Variants in TCTN1 observed in about 807,000 individuals in gnomAD.
TCTN1 encodes tectonic-1.
Under a neutral mutation model 65.8 loss-of-function variants are expected in TCTN1, and 58 were observed. The ratio of observed to expected loss-of-function variants is 0.88; its 90% CI spans 0.71 to 1.10. TCTN1 has a LOEUF of 1.10. Ranked by LOEUF, TCTN1 falls within the 50% of genes least tolerant of loss-of-function variation. The probability of loss-of-function intolerance (pLI) is 0.00; values close to 1 mark genes in which losing one functional copy is unlikely to be tolerated. For missense variants in TCTN1, 645 were observed against 719.4 expected, an observed-to-expected ratio of 0.90 and a Z score of 1.18; for synonymous variants, 273 against 289.1, an observed-to-expected ratio of 0.94 and a Z score of 0.57.
chr12:110,644,773 G>A lies in TCTN1; in HGVS notation c.1332-194G>A. 3 of 677,776 alleles carry A rather than the reference G, an allele frequency of 4.4e-6. No homozygotes were observed. The highest frequency in any genetic ancestry group is 7.7e-6 in the Non-Finnish European group (3 of 389,460). The allele number at this position is 677,776 out of a possible 1,614,324, so 42.0% of individuals were successfully genotyped here. On this transcript the variant is annotated intron_variant, in intron 11 of 14. Transcript: ENST00000397659. This position sits in a 1 kb window ranked among gnomAD's most constrained non-coding sequence, Gnocchi z 4.6. ...TCACTCCTGTAGTCCCAGCACTCTG[G>A]GAGGATTGCATGAGCCCAGGAGTTT...
chr12:110,636,970 T>C (rs920192757), intron 7 of TCTN1, among the ~76,000 whole-genome samples: 1 of 152,220 alleles, frequency 6.6e-6, no homozygotes, highest in African/African-American at 2.4e-5. Context: ...CAAAGCCTTA[T>C]CGCCCCAGCC....
At chr12:110,636,375 C>A (rs778001103) in intron 6 of TCTN1, 106 bp from the exon 7 acceptor site, 1 of 754,838 alleles carries the variant, frequency 1.3e-6, no homozygotes, top group Non-Finnish European at 2.3e-6. Flanking sequence ...CTTTGTGAAG[C>A]CTTTAATAAG....
At chr12:110,624,734 C>T (rs953457955) in intron 2 of TCTN1, among the ~76,000 whole-genome samples, 25 of 152,118 alleles carry the variant, frequency 1.6e-4, no homozygotes, top group African/African-American at 5.5e-4. Flanking sequence ...CATGCCACCA[C>T]GCCTGGCTAA....
intron 5 of TCTN1, 78 bp downstream of exon 5, chr12:110,632,637 G>T (rs1482934995): frequency 6.7e-7 from 1 of 1,503,672 alleles, no homozygotes; most frequent in Admixed American, 1.7e-5. Context: ...TGCGGTTTTT[G>T]CCATTAAAAG....
Position 110,634,666 on chromosome 12 carries a change from C to G in TCTN1, c.713-4C>G. 6.3e-7 allele frequency: 1 copy of G among 1,597,774 alleles called. No individual in the cohort carries two copies. Among genetic ancestry groups the G allele is most frequent in the Non-Finnish European group, 8.5e-7 (1 of 1,171,004 alleles). On this transcript the variant is annotated splice_region_variant and splice_polypyrimidine_tract_variant and intron_variant, in intron 5 of 14. Coordinates refer to ENST00000397659, the MANE Select transcript of TCTN1 (RefSeq NM_001082538.3). ...TTTTCCTTGGGAATGTTAATGATTT[C>G]TAGCGTTTCTGGTGAACCAGGCTGT...
At chr12:110,625,548 C>A (rs1226014397) in intron 2 of TCTN1, 2 of 151,880 alleles carry the variant, frequency 1.3e-5, no homozygotes, top group Non-Finnish European at 2.9e-5. Flanking sequence ...AGTTTGAGAC[C>A]AGCCTGGCCA....
Position 110,640,654 on chromosome 12 carries a change from G to A in TCTN1, c.978+137G>A. 1 of 1,230,440 alleles carries A rather than the reference G, an allele frequency of 8.1e-7. No homozygotes were observed. The highest frequency in any genetic ancestry group is 1.2e-6 in the Non-Finnish European group (1 of 844,710). 76.2% of individuals were successfully genotyped at this position (1,230,440 alleles called of 1,614,324 possible). On this transcript the variant is annotated intron_variant, in intron 8 of 14. Transcript: ENST00000397659. The surrounding 1 kb of genome is among the most constrained non-coding windows in gnomAD (Gnocchi z 4.9). ...CTTTTCTTGGCTCAGCTGCCTGCTT[G>A]TCTTTCTGCTGTCTCATCAAAGGAC...
At chr12:110,629,084 A>G (rs2066051181) in intron 4 of TCTN1, 166 bp downstream of exon 4, 9 of 794,434 alleles carry the variant, frequency 1.1e-5, no homozygotes, top group South Asian at 5.0e-5. Flanking sequence ...GAAAATTAAA[A>G]CTGAATATTT....
intron 4 of TCTN1, among the ~76,000 whole-genome samples, chr12:110,632,030 G>T (rs1281602381): frequency 6.6e-6 from 1 of 152,154 alleles, no homozygotes; most frequent in Non-Finnish European, 1.5e-5. Context: ...AAATAATTTT[G>T]TGGGGTTTGG....
At chr12:110,625,482 G>A (rs556529485) in intron 2 of TCTN1, among the ~76,000 whole-genome samples, 18 of 152,190 alleles carry the variant, frequency 1.2e-4, no homozygotes, top group African/African-American at 3.1e-4. Flanking sequence ...GCCAGCTGTG[G>A]TGACTCATGC....
At chr12:110,636,145 A>T (rs1035955436) in intron 6 of TCTN1, 1 of 306,904 alleles carries the variant, frequency 3.3e-6, no homozygotes, top group African/African-American at 2.2e-5. Flanking sequence ...AGTGACCAGG[A>T]GTGCAAGAAC....
At chr12:110,628,332 A>C (rs1224398206) in intron 3 of TCTN1, 1 of 1,229,468 alleles carries the variant, frequency 8.1e-7, no homozygotes, top group East Asian at 2.5e-5. Flanking sequence ...GTGAATATGG[A>C]AAAATACACT....
intron 1 of TCTN1, 38 bp downstream of exon 1, chr12:110,614,440 T>C: frequency 6.4e-7 from 1 of 1,566,954 alleles, no homozygotes; most frequent in Non-Finnish European, 8.7e-7. Flanking sequence ...TCCACAGTGA[T>C]CCAACCTCAA....
intron 1 of TCTN1, among the ~76,000 whole-genome samples, chr12:110,615,155 G>C (rs1014145051): frequency 6.6e-6 from 1 of 151,984 alleles, no homozygotes; most frequent in African/African-American, 2.4e-5. Context: ...GCCGGGCATG[G>C]TGTAATCCTA....
At chr12:110,621,068 G>T (rs2065393702) in intron 2 of TCTN1, among the ~76,000 whole-genome samples, 1 of 152,202 alleles carries the variant, frequency 6.6e-6, no homozygotes, top group Admixed American at 6.5e-5. Flanking sequence ...GCCTCCCAAA[G>T]TGCCGGGATT....
intron 2 of TCTN1, chr12:110,625,787 C>T (rs1176895115): frequency 6.9e-6 from 1 of 144,464 alleles, no homozygotes; most frequent in Non-Finnish European, 1.5e-5. Context: ...TGGAGTCTCA[C>T]TCTGTCACCA....
At chr12:110,636,354 T>G (rs1307787826) in intron 6 of TCTN1, 127 bp from the exon 7 acceptor site, 1 of 664,552 alleles carries the variant, frequency 1.5e-6, no homozygotes, top group Non-Finnish European at 2.7e-6. Flanking sequence ...TCAAGGAAAT[T>G]CTGTTTTCTT....
At position 110,639,389 on chromosome 12, in the gene TCTN1, G is replaced by C. The variant is rs2066800126; in HGVS notation, c.844-994G>C. On this transcript the variant is annotated intron_variant, in intron 7 of 14. Coordinates refer to ENST00000397659, the MANE Select transcript of TCTN1 (RefSeq NM_001082538.3). The surrounding 1 kb of genome is among the most constrained non-coding windows in gnomAD (Gnocchi z 4.9). Reference sequence around the variant, plus strand: ...TTCCCTGGTGCTGCTGAAAATGTTTGTCTGTGTCTGTTTTTTGTTGCTCAT... The same window carrying C: ...TTCCCTGGTGCTGCTGAAAATGTTTCTCTGTGTCTGTTTTTTGTTGCTCAT... 1.3e-5 allele frequency among the ~76,000 whole-genome samples: 2 copies of C among 152,134 alleles called. No homozygotes were observed. The highest frequency in any genetic ancestry group is 2.4e-5 in the African/African-American group (1 of 41,416).
chr12:110,641,540 A>C lies in TCTN1; in HGVS notation c.1105-2A>C. On this transcript the variant is annotated splice_acceptor_variant, in intron 9 of 14. Transcript: ENST00000397659. LOFTEE classifies it high-confidence loss of function. ...TGGGGGCATTTCTGCATTGTCTTTC[A>C]GGAAAATACCCAGCCAGTCCCTCTC... 1 of 1,613,952 alleles carries C rather than the reference A, an allele frequency of 6.2e-7. No individual in the cohort carries two copies. The highest frequency in any genetic ancestry group is 8.5e-7 in the Non-Finnish European group (1 of 1,179,776).
Sources: gnomAD v4.1 joint callset for allele counts (sites outside exome capture counted in the v4.1 genomes callset) on GRCh38, gnomAD v4.1.1 for gene constraint, Gnocchi (gnomAD v3.1) non-coding constraint, MANE v1.5 for transcripts, NCBI Gene and HGNC (gene_info 2026-07-23, HGNC 2026-07-21) for gene names.